PLXNB2: variants seen among roughly 807,000 people sequenced by gnomAD.
PLXNB2 encodes the protein plexin B2.
In PLXNB2, 85 loss-of-function variants were observed where a neutral mutation model predicts 202.6. That is an observed-to-expected ratio of 0.42 (90% CI 0.35 to 0.50). The LOEUF is 0.50. Ranked by LOEUF, PLXNB2 falls within the 20% of genes least tolerant of loss-of-function variation. The pLI is 0.02. For synonymous variants in PLXNB2, 1,239 were observed against 1,137.6 expected, an observed-to-expected ratio of 1.09 and a Z score of -1.79; for missense variants, 2,063 against 2,586.2, an observed-to-expected ratio of 0.80 and a Z score of 4.39.
intron 35 of PLXNB2, 139 bp from the exon 36 acceptor site, chr22:50,276,102 C>A (rs2065539312): frequency 4.2e-6 from 3 of 716,560 alleles, no homozygotes; most frequent in Non-Finnish European, 7.3e-6. Flanking sequence ...CTTGGGGCCC[C>A]CCATGTGGCA....
intron 1 of PLXNB2, chr22:50,301,555 G>T: frequency 4.6e-6 from 1 of 217,478 alleles, no homozygotes; most frequent in Non-Finnish European, 7.8e-6. Flanking sequence ...CTCCCGGCCC[G>T]CCGGTGCCCA....
In PLXNB2 at chr22:50,288,682, T is replaced by A; in HGVS notation, c.1380+61A>T. 1.3e-6 allele frequency: 2 copies of A among 1,598,504 alleles called. No homozygotes were observed. Among genetic ancestry groups the A allele is most frequent in the Non-Finnish European group, 1.7e-6 (2 of 1,172,492 alleles). On this transcript the variant is annotated intron_variant, in intron 5 of 36. Coordinates refer to ENST00000359337, the MANE Select transcript of PLXNB2 (RefSeq NM_012401.4). This position sits in a 1 kb window ranked among gnomAD's most constrained non-coding sequence, Gnocchi z 5.0. ...GGCCCCCAGGCCTGTCCTAAGGGCC[T>A]GGGATGCAATGACCGGGCACACTTG...
At chr22:50,282,673 G>A (rs2066092423) in intron 18 of PLXNB2, 38 bp downstream of exon 18, 2 of 1,460,906 alleles carry the variant, frequency 1.4e-6, no homozygotes, top group Admixed American at 1.9e-5. Context: ...GCAGCTGGGT[G>A]TGGGGAGCAG....
rs764919210 is a variant in PLXNB2, at chr22:50,289,868, C to T, written c.717G>A (p.Pro239=). ...GTGCCAGCAGCGTGCGGTTCCGGGC[C>T]GGGTGCTTGTCCTGCTGGTTGAAGA... The part of the protein sequence containing the change: ...FFVFNQQDKH[P]ARNRTLLARM... The change falls in exon 3 of 37, where the codon CCG becomes CCA. Residue 239 remains proline (P), a synonymous_variant. Coordinates refer to ENST00000359337, the MANE Select transcript of PLXNB2 (RefSeq NM_012401.4). This position sits in a 1 kb window ranked among gnomAD's most constrained non-coding sequence, Gnocchi z 8.0. 27 of 1,613,122 alleles carry T rather than the reference C, an allele frequency of 1.7e-5. No individual in the cohort carries two copies. The highest frequency in any genetic ancestry group is 4.5e-5 in the East Asian group (2 of 44,902).
intron 33 of PLXNB2, among the ~76,000 whole-genome samples, 155 bp downstream of exon 33, chr22:50,277,436 T>C (rs1464436037): frequency 1.3e-5 from 2 of 152,166 alleles, no homozygotes; most frequent in East Asian, 3.9e-4. Flanking sequence ...GCCGGGCCCC[T>C]GTGCCCCCAG....
At position 50,284,915 on chromosome 22, in the gene PLXNB2, T is replaced by A; in HGVS notation, c.2089-250A>T. On this transcript the variant is annotated intron_variant, in intron 11 of 36. Transcript: ENST00000359337. This position sits in a 1 kb window ranked among gnomAD's most constrained non-coding sequence, Gnocchi z 8.0. The stretch of plus-strand genomic sequence containing the variant: ...GCCACCTCCACCACTCATCCACACC[T>A]GAGAACATCGCCCGGCCCACCTGAC... 1.6e-6 allele frequency: 1 copy of A among 624,614 alleles called. No individual in the cohort carries two copies. Among genetic ancestry groups the A allele is most frequent in the Non-Finnish European group, 3.1e-6 (1 of 325,786 alleles). 38.7% of individuals were successfully genotyped at this position (624,614 alleles called of 1,614,324 possible).
In PLXNB2 at chr22:50,277,728, G is replaced by A. The variant is rs1293031275; in HGVS notation, c.5059C>T (p.Arg1687Trp). ...HIWKTNSLPL[R>W]FWVNILKNPH... ...TTCTTGAGGATGTTCACCCAGAACC[G>A]GAGCGGTAAGCTGAGGCAGAGCAGC... The change falls in exon 33 of 37, where the codon CGG becomes TGG. Residue 1687 changes from arginine (R) to tryptophan (W), a missense_variant. Physicochemically the swap from Arg to Trp is moderately radical, Grantham distance 101 (BLOSUM62 -3). Coordinates refer to ENST00000359337, the MANE Select transcript of PLXNB2 (RefSeq NM_012401.4). The A allele has an allele frequency of 6.3e-7, 1 of 1,597,460 alleles. No individual in the cohort carries two copies. Among genetic ancestry groups the A allele is most frequent in the Non-Finnish European group, 8.6e-7 (1 of 1,169,276 alleles).
At chr22:50,300,413 T>C (rs902813698) in intron 1 of PLXNB2, 2 of 722,276 alleles carry the variant, frequency 2.8e-6, no homozygotes, top group Non-Finnish European at 3.4e-6. Flanking sequence ...GCTCGGCCCC[T>C]CCCGGCCCAG....
chr22:50,282,117 A>G (rs765636965), intron 19 of PLXNB2, 36 bp from the exon 20 acceptor site: 12 of 1,604,672 alleles, frequency 7.5e-6, no homozygotes, highest in African/African-American at 1.3e-5. Context: ...CCCCGGGCGC[A>G]GACCCCGCCC....
At position 50,282,748 on chromosome 22, in the gene PLXNB2, C is replaced by A. The variant is rs200118373; in HGVS notation, c.2950G>T (p.Val984Leu). The A allele has an allele frequency of 5.6e-5, 91 of 1,611,152 alleles. No individual in the cohort carries two copies. In the East Asian group the frequency reaches 2.0e-3, roughly 36 times the overall value. The change falls in exon 18 of 37, where the codon GTA becomes TTA. Residue 984 changes from valine (V) to leucine (L), a missense_variant. Coordinates refer to ENST00000359337, the MANE Select transcript of PLXNB2 (RefSeq NM_012401.4). Reference protein sequence around the residue: ...GIFFTYRENPVLRAFEPLRSF... With the variant: ...GIFFTYRENPLLRAFEPLRSF... ...CGTAGCGGCTCGAAGGCTCGCAGTA[C>A]GGGGTTTTCGCGGTAGGTGAAGAAG...
chr22:50,304,651 A>AC (rs199877091), intron 1 of PLXNB2, among the ~76,000 whole-genome samples: 1 of 151,250 alleles, frequency 6.6e-6, no homozygotes, highest in Non-Finnish European at 1.5e-5. Context: ...GAGCCTGAGC[A>AC]CCCCCCACCA....
At chr22:50,279,870 C>T in intron 26 of PLXNB2, 94 bp from the exon 27 acceptor site, 1 of 1,501,654 alleles carries the variant, frequency 6.7e-7, no homozygotes, top group Non-Finnish European at 9.2e-7. Flanking sequence ...ACGGGGCTGA[C>T]CATGTCAGGG....
chr22:50,278,553 C>T (rs2065773097), intron 29 of PLXNB2, 34 bp from the exon 30 acceptor site: 1 of 1,593,446 alleles, frequency 6.3e-7, no homozygotes, highest in Non-Finnish European at 8.5e-7. Context: ...GGGCTGTGCC[C>T]CCAGGGTGCC....
Position 50,284,065 on chromosome 22 carries a change from TCCC to T in PLXNB2, c.2263+64_2263+66del. The T allele has an allele frequency of 6.7e-7, 1 of 1,492,322 alleles. No homozygotes were observed. The highest frequency in any genetic ancestry group is 9.0e-7 in the Non-Finnish European group (1 of 1,109,304). The allele number at this position is 1,492,322 out of a possible 1,614,324, so 92.4% of individuals were successfully genotyped here. A position where few individuals can be genotyped will look rare whatever the true frequency, so the allele number is the denominator to read the frequency against. On this transcript the variant is annotated intron_variant, in intron 13 of 36. Transcript: ENST00000359337. This position sits in a 1 kb window ranked among gnomAD's most constrained non-coding sequence, Gnocchi z 8.0. ...ACCTGCTCCCCACTGCGCCCACCTG[TCCC>T]CCCACCCACCGCCTTGTGCCCACCC...
intron 1 of PLXNB2, 33 bp from the exon 2 acceptor site, chr22:50,294,811 A>G: frequency 1.0e-6 from 1 of 971,374 alleles, no homozygotes; most frequent in Non-Finnish European, 1.2e-6. Flanking sequence ...CGGTCACAAG[A>G]GGAGCCCGGT....
chr22:50,300,402 G>T (rs1042987960), intron 1 of PLXNB2: 8 of 836,182 alleles, frequency 9.6e-6, no homozygotes, highest in African/African-American at 1.8e-5. Flanking sequence ...TCGGTCTCAG[G>T]GCTCGGCCCC....
At chr22:50,303,074 A>C in intron 1 of PLXNB2, among the ~76,000 whole-genome samples, 6 of 137,030 alleles carry the variant, frequency 4.4e-5, no homozygotes, top group African/African-American at 5.6e-5. Context: ...CCACCCTACC[A>C]CGTCTGAGTC....
Position 50,283,861 on chromosome 22 carries a change from G to A in PLXNB2, c.2393C>T (p.Ser798Phe). 1.9e-6 allele frequency: 3 copies of A among 1,608,948 alleles called. No homozygotes were observed. The highest frequency in any genetic ancestry group is 2.5e-6 in the Non-Finnish European group (3 of 1,177,614). ...CVYEALCNTT[S>F]ECPPPVITRI... ...GGTGATGACGGGCGGCGGGCACTCG[G>A]AGGTGGTGTTGCACAGGGCCTCATA... Residue 798 changes from serine (S) to phenylalanine (F), a missense_variant, in exon 14 of 37, where the codon TCC becomes TTC. By Grantham distance (155) the Ser-to-Phe change is radical (BLOSUM62 -2). Transcript: ENST00000359337.
At position 50,290,099 on chromosome 22, in the gene PLXNB2, A is replaced by C; in HGVS notation, c.486T>G (p.Pro162=). The C allele has an allele frequency of 1.2e-6, 2 of 1,613,164 alleles. No individual in the cohort carries two copies. Among genetic ancestry groups the C allele is most frequent in the Non-Finnish European group, 1.7e-6 (2 of 1,180,010 alleles). ...CCACAAACAGCACGCGGTCACCACC[A>C]GGACCCGTGGAGCTCACCAGCCCCA... ...ATVGLVSSTG[P]GGDRVLFVGK... is the part of the protein sequence containing the mutation. The change falls in exon 3 of 37, where the codon CCT becomes CCG. Residue 162 remains proline (P), a synonymous_variant. Transcript: ENST00000359337.
Sources: allele counts gnomAD v4.1 joint callset (sites outside exome capture counted in the v4.1 genomes callset), GRCh38; gene constraint gnomAD v4.1.1; non-coding constraint Gnocchi (gnomAD v3.1); transcripts MANE v1.5; gene names NCBI Gene and HGNC (gene_info 2026-07-23, HGNC 2026-07-21).